DYM: variants seen among roughly 807,000 people sequenced by gnomAD.
The protein encoded by DYM is dyggve-Melchior-Clausen syndrome protein.
Under a neutral mutation model 93.1 loss-of-function variants are expected in DYM, and 78 were observed. The ratio of observed to expected loss-of-function variants is 0.84; its 90% confidence interval spans 0.70 to 1.01. DYM has a LOEUF of 1.01. Among genes scored for constraint, DYM ranks in the 50% least tolerant of loss-of-function variants. The pLI is 0.00. For synonymous variants in DYM, 321 were observed against 319.7 expected (o/e 1.00, Z -0.04); for missense variants, 789 against 845.0 (o/e 0.93, Z 0.82).
intron 8 of DYM, among the ~76,000 whole-genome samples, chr18:49,313,462 CAAAAAAAAAAAAAAAAAAAAA>C (rs60775305): frequency 1.8e-4 from 5 of 28,564 alleles, no homozygotes; most frequent in Non-Finnish European, 2.5e-4. Flanking sequence ...GACTCTGTCA[CAAAAAAAAAAAAAAAAAAAAA>C]AAAAAAAAAA....
chr18:49,432,806 G>T (rs2080461013), intron 1 of DYM, among the ~76,000 whole-genome samples: 1 of 151,892 alleles, frequency 6.6e-6, no homozygotes, highest in South Asian at 2.1e-4. Context: ...TAAAGATGGG[G>T]TCTCACTGTG....
chr18:49,060,290 C>T (rs953974208), intron 17 of DYM, among the ~76,000 whole-genome samples: 1 of 152,084 alleles, frequency 6.6e-6, no homozygotes, highest in Admixed American at 6.5e-5. Context: ...CCCCTGCACA[C>T]TTCAGGCAAA....
At chr18:49,111,132 C>T (rs1382751718) in intron 16 of DYM, among the ~76,000 whole-genome samples, 2 of 152,084 alleles carry the variant, frequency 1.3e-5, no homozygotes, top group African/African-American at 2.4e-5. Flanking sequence ...CTATAAAGAA[C>T]CAGGTAGTAA....
In DYM at chr18:49,276,303, C is replaced by CT. The variant is rs1458049235; in HGVS notation, c.1126-4001dup. On this transcript the variant is annotated intron_variant, in intron 10 of 17. Coordinates refer to ENST00000675505, the MANE Select transcript of DYM (RefSeq NM_001353214.3). ...AAAAAAGTGATTACTTTGTCAAATG[C>CT]TTTTTTCTGTATCTATTTAAATAAT... Among the ~76,000 whole-genome samples the CT allele has an allele frequency of 4.0e-5, 6 of 151,846 alleles. No homozygotes were observed. The East Asian group carries it at 1.2e-3, about 29-fold the overall frequency.
rs2076397527 is a variant in DYM, at chr18:49,066,496, TATTA to T, written c.2026-22296_2026-22293del. Among the ~76,000 whole-genome samples, 4 of 152,330 alleles carry T rather than the reference TATTA, an allele frequency of 2.6e-5. No individual in the cohort carries two copies. The East Asian group carries it at 7.7e-4, about 29-fold the overall frequency. The stretch of plus-strand genomic sequence containing the variant: ...TCTGTTGCCTGAATGTACCACAACT[TATTA>T]ATTAATTCTACCACTGATGGACACT... On this transcript the variant is annotated intron_variant, in intron 17 of 17. Transcript: ENST00000675505.
chr18:49,243,300 C>T (rs1568088769), intron 13 of DYM, among the ~76,000 whole-genome samples: 1 of 152,150 alleles, frequency 6.6e-6, no homozygotes. Flanking sequence ...ATGGTAGCCA[C>T]ACAGAAAATA....
chr18:49,174,577 T>C (rs2145335618), intron 14 of DYM, among the ~76,000 whole-genome samples: 1 of 152,272 alleles, frequency 6.6e-6, no homozygotes, highest in South Asian at 2.1e-4. Flanking sequence ...AAACAGAAAC[T>C]ACTTTCCTGA....
At chr18:49,091,987 T>C (rs116839472) in intron 17 of DYM, among the ~76,000 whole-genome samples, 147 of 152,226 alleles carry the variant, frequency 9.7e-4, no homozygotes, top group African/African-American at 3.2e-3. Context: ...TGGGTCTGAC[T>C]AGCAATTTTA....
At chr18:49,299,415 C>G (rs1480156697) in intron 8 of DYM, among the ~76,000 whole-genome samples, 1 of 152,190 alleles carries the variant, frequency 6.6e-6, no homozygotes, top group Non-Finnish European at 1.5e-5. Flanking sequence ...GGAAAACAGA[C>G]AAGTCTTTAA....
At chr18:49,328,871 G>A (rs1221797694) in intron 8 of DYM, among the ~76,000 whole-genome samples, 2 of 152,204 alleles carry the variant, frequency 1.3e-5, no homozygotes, top group African/African-American at 2.4e-5. Context: ...GGAAGACAGT[G>A]TGGCGATTCC....
intron 8 of DYM, 43 bp downstream of exon 8, chr18:49,331,821 A>C: frequency 6.2e-7 from 1 of 1,612,000 alleles, no homozygotes; most frequent in Non-Finnish European, 8.5e-7. Context: ...AATAGATAAA[A>C]TTTATGTGCA....
intron 8 of DYM, among the ~76,000 whole-genome samples, chr18:49,294,847 A>G (rs907977251): frequency 8.5e-5 from 13 of 152,220 alleles, no homozygotes; most frequent in African/African-American, 3.1e-4. Flanking sequence ...TAAAAGGGGC[A>G]TATCATATAT....
chr18:49,115,027 C>T (rs1236190686), intron 16 of DYM, among the ~76,000 whole-genome samples: 4 of 152,152 alleles, frequency 2.6e-5, no homozygotes, highest in East Asian at 1.9e-4. Context: ...TTTAAGTTCT[C>T]GCTGTATCAC....
intron 5 of DYM, among the ~76,000 whole-genome samples, chr18:49,368,291 G>T (rs2066693999): frequency 6.6e-6 from 1 of 152,152 alleles, no homozygotes; most frequent in South Asian, 2.1e-4. Flanking sequence ...TAACATAAGG[G>T]AAAGAAAGGG....
chr18:49,264,138 G>A (rs1323824436), intron 11 of DYM, among the ~76,000 whole-genome samples: 1 of 147,186 alleles, frequency 6.8e-6, no homozygotes, highest in South Asian at 2.2e-4. Flanking sequence ...ATCAATACAC[G>A]TAGCTCTACG....
At chr18:49,248,779 T>A (rs984201515) in intron 13 of DYM, among the ~76,000 whole-genome samples, 1 of 152,160 alleles carries the variant, frequency 6.6e-6, no homozygotes, top group Non-Finnish European at 1.5e-5. Flanking sequence ...AAGGATTAGA[T>A]ATAAAAAATA....
intron 13 of DYM, among the ~76,000 whole-genome samples, chr18:49,247,793 C>A (rs1049923549): frequency 6.6e-6 from 1 of 152,144 alleles, no homozygotes; most frequent in African/African-American, 2.4e-5. Flanking sequence ...AATAGGTAAC[C>A]ATTTTCTACT....
intron 2 of DYM, among the ~76,000 whole-genome samples, chr18:49,428,775 T>C (rs1008048944): frequency 1.3e-5 from 2 of 152,170 alleles, no homozygotes; most frequent in Non-Finnish European, 2.9e-5. Flanking sequence ...GGTTCCTTTC[T>C]GGGATGATAA....
intron 4 of DYM, among the ~76,000 whole-genome samples, chr18:49,379,272 T>A (rs545134390): frequency 3.3e-4 from 50 of 152,072 alleles, no homozygotes; most frequent in Non-Finnish European, 5.6e-4. Context: ...AAAGTTAACC[T>A]TCCATTGATG....
Sources: gnomAD v4.1 joint callset for allele counts (sites outside exome capture counted in the v4.1 genomes callset) on GRCh38, gnomAD v4.1.1 for gene constraint, MANE v1.5 for transcripts, NCBI Gene and HGNC (gene_info 2026-07-23, HGNC 2026-07-21) for gene names.